The following SLC4A10 variants were observed in gnomAD, a reference collection of about 807,000 sequenced individuals.
The protein encoded by SLC4A10 is solute carrier family 4 member 10.
SLC4A10 carries 42 observed loss-of-function variants against 137.7 expected under a neutral mutation model. The ratio of observed to expected loss-of-function variants is 0.30; its 90% CI spans 0.24 to 0.39. The LOEUF is 0.39. Among genes scored for constraint, SLC4A10 ranks in the 10% least tolerant of loss-of-function variants. SLC4A10 has a pLI of 1.00. For missense variants in SLC4A10, 925 were observed against 1,355.0 expected (o/e 0.68, Z 4.98); for synonymous variants, 474 against 464.1 (o/e 1.02, Z -0.27).
intron 1 of SLC4A10, chr2:161,708,642 G>GGTTT: frequency 6.9e-7 from 1 of 1,458,110 alleles, no homozygotes. Context: ...CTTGATGATG[G>GGTTT]CTTAAACAGA....
intron 1 of SLC4A10, among the ~76,000 whole-genome samples, chr2:161,721,988 G>C (rs978580441): frequency 6.6e-6 from 1 of 152,148 alleles, no homozygotes; most frequent in African/African-American, 2.4e-5. Flanking sequence ...GCTATTGATA[G>C]TTGTGGTTGC....
intron 15 of SLC4A10, among the ~76,000 whole-genome samples, chr2:161,939,557 T>C (rs765707638): frequency 6.6e-6 from 1 of 152,164 alleles, no homozygotes; most frequent in Non-Finnish European, 1.5e-5. Context: ...GTAACTGTCT[T>C]TACATTCCAC....
chr2:161,953,913 T>A (rs548986819), intron 19 of SLC4A10, among the ~76,000 whole-genome samples: 7 of 152,350 alleles, frequency 4.6e-5, no homozygotes, highest in Admixed American at 2.0e-4. Flanking sequence ...GTTAACTGAA[T>A]CCTTTTGAAA....
At chr2:161,864,697 T>G (rs897579814) in intron 6 of SLC4A10, among the ~76,000 whole-genome samples, 6 of 152,160 alleles carry the variant, frequency 3.9e-5, no homozygotes, top group Admixed American at 6.5e-5. Context: ...CACTGAACAT[T>G]CTGAGGAGAT....
At chr2:161,714,622 C>G (rs969779787) in intron 1 of SLC4A10, among the ~76,000 whole-genome samples, 1 of 151,848 alleles carries the variant, frequency 6.6e-6, no homozygotes, top group Non-Finnish European at 1.5e-5. Context: ...AATTTAATCT[C>G]ATAAGAATTT....
intron 1 of SLC4A10, among the ~76,000 whole-genome samples, chr2:161,760,468 G>T (rs1395174029): frequency 6.6e-6 from 1 of 151,936 alleles, no homozygotes; most frequent in Non-Finnish European, 1.5e-5. Context: ...TTCTTTCCAG[G>T]CATTGAGATT....
intron 1 of SLC4A10, among the ~76,000 whole-genome samples, chr2:161,679,705 G>GTA (rs2040644745): frequency 6.6e-6 from 1 of 150,846 alleles, no homozygotes; most frequent in Non-Finnish European, 1.5e-5. Flanking sequence ...GTGTGTGTGT[G>GTA]TGTGTGTGTG....
At chr2:161,873,602 C>T (rs908500327) in intron 7 of SLC4A10, among the ~76,000 whole-genome samples, 1 of 149,642 alleles carries the variant, frequency 6.7e-6, no homozygotes, top group African/African-American at 2.5e-5. Flanking sequence ...GAAAATACGG[C>T]AGGTTAACAA....
chr2:161,760,594 G>T lies in SLC4A10; in HGVS notation c.49-10379G>T, dbSNP rs73017124. On this transcript the variant is annotated intron_variant, in intron 1 of 26. Coordinates refer to ENST00000446997, the MANE Select transcript of SLC4A10 (RefSeq NM_001178015.2). ...ACTCAGCTCTTGTTTTGATACTTAT[G>T]ACTAAACTATCACTTTTCCCCCTTG... Among the ~76,000 whole-genome samples the T allele has an allele frequency of 6.2e-3, 948 of 152,002 alleles. 10 individuals are homozygous for T. Among genetic ancestry groups the T allele is most frequent in the African/African-American group, 0.022 (899 of 41,470 alleles).
At chr2:161,795,389 T>C (rs2054653611) in intron 2 of SLC4A10, among the ~76,000 whole-genome samples, 1 of 152,164 alleles carries the variant, frequency 6.6e-6, no homozygotes, top group South Asian at 2.1e-4. Context: ...TTTTTTAACT[T>C]ACTGAGGGAT....
At chr2:161,863,580 C>T (rs62188762) in intron 6 of SLC4A10, among the ~76,000 whole-genome samples, 9,243 of 152,238 alleles carry the variant, frequency 0.061, 373 homozygotes, top group East Asian at 0.13. Context: ...TACATTATGG[C>T]TGATTCCGGT....
At chr2:161,882,315 T>C (rs949407637) in intron 9 of SLC4A10, 42 bp from the exon 10 acceptor site, 22 of 1,260,406 alleles carry the variant, frequency 1.7e-5, no homozygotes, top group Admixed American at 4.8e-5. Context: ...AAATTATTTT[T>C]ATATTTCTAC....
chr2:161,830,419 T>C (rs1449431423), intron 3 of SLC4A10, among the ~76,000 whole-genome samples: 3 of 151,998 alleles, frequency 2.0e-5, no homozygotes, highest in African/African-American at 7.2e-5. Context: ...AAGGTTACCT[T>C]TCATATTGAT....
rs945843988 is a variant in SLC4A10 at position 161,733,761 on chromosome 2, C to T, written c.49-37212C>T. 9.9e-5 allele frequency among the ~76,000 whole-genome samples: 15 copies of T among 152,172 alleles called. 1 individual carries two copies. Among genetic ancestry groups the T allele is most frequent in the African/African-American group, 2.2e-4 (9 of 41,440 alleles). ...AAGCCACAGACACTCAATGCCAACC[C>T]GTGAAAGCAGCCAGGAGGGAGGCTG... is the stretch of plus-strand genomic sequence containing the variant. On this transcript the variant is annotated intron_variant, in intron 1 of 26. Transcript: ENST00000446997.
At chr2:161,878,016 A>G (rs2061539737) in intron 8 of SLC4A10, among the ~76,000 whole-genome samples, 1 of 152,240 alleles carries the variant, frequency 6.6e-6, no homozygotes, top group South Asian at 2.1e-4. Context: ...AAAGCAACAT[A>G]TTTAATGTAG....
chr2:161,900,156 AT>A (rs1463064951), intron 11 of SLC4A10, among the ~76,000 whole-genome samples: 2 of 152,008 alleles, frequency 1.3e-5, no homozygotes, highest in African/African-American at 4.8e-5. Context: ...GAACTTTCTG[AT>A]TTTTTAAGAA....
intron 10 of SLC4A10, among the ~76,000 whole-genome samples, chr2:161,894,007 T>G (rs1324502912): frequency 6.6e-6 from 1 of 151,970 alleles, no homozygotes; most frequent in Non-Finnish European, 1.5e-5. Flanking sequence ...TGCATGTCAC[T>G]TTTGCACCAT....
At chr2:161,887,160 A>G (rs2062396324) in intron 10 of SLC4A10, among the ~76,000 whole-genome samples, 1 of 152,084 alleles carries the variant, frequency 6.6e-6, no homozygotes, top group South Asian at 2.1e-4. Flanking sequence ...CGTGGTGTAT[A>G]TGTGCCACAT....
At chr2:161,733,983 C>T (rs1020586806) in intron 1 of SLC4A10, among the ~76,000 whole-genome samples, 2 of 152,310 alleles carry the variant, frequency 1.3e-5, no homozygotes, top group Non-Finnish European at 2.9e-5. Context: ...TTTGGAACAG[C>T]TGTATTTACC....
Sources: gnomAD v4.1 joint callset for allele counts (sites outside exome capture counted in the v4.1 genomes callset) on GRCh38, gnomAD v4.1.1 for gene constraint, MANE v1.5 for transcripts, NCBI Gene and HGNC (gene_info 2026-07-23, HGNC 2026-07-21) for gene names.